Variants in XYLT1 observed in about 807,000 individuals in gnomAD.
XYLT1 encodes the protein beta-D-xylosyltransferase 1.
In XYLT1, 36 loss-of-function variants were observed where a neutral mutation model predicts 91.3. That is an observed-to-expected ratio of 0.39 (90% CI 0.30 to 0.52). XYLT1 has a LOEUF of 0.52. Among genes scored for constraint, XYLT1 ranks in the 20% least tolerant of loss-of-function variants. XYLT1 has a pLI of 0.68. For synonymous variants in XYLT1, 588 were observed against 532.0 expected (o/e 1.11, Z -1.45); for missense variants, 1,242 against 1,284.5 (o/e 0.97, Z 0.51).
chr16:17,250,947 T>G (rs1308842060), intron 3 of XYLT1: 1 of 152,270 alleles, frequency 6.6e-6, no homozygotes, highest in Non-Finnish European at 1.5e-5. Flanking sequence ...GAGAAAGTAG[T>G]ATCTCTGGCT....
chr16:17,119,302 T>C (rs9933857), intron 10 of XYLT1, among the ~76,000 whole-genome samples: 43,693 of 151,942 alleles, frequency 0.29, 6,760 homozygotes, highest in East Asian at 0.61. Flanking sequence ...TCAAATTAAA[T>C]TAGGGGTCAT....
At chr16:17,191,825 G>A (rs569729457) in intron 5 of XYLT1, among the ~76,000 whole-genome samples, 1 of 152,368 alleles carries the variant, frequency 6.6e-6, no homozygotes, top group Non-Finnish European at 1.5e-5. Context: ...ACATGTCCAT[G>A]TGGTGGGCCC....
At chr16:17,437,439 G>A (rs1420716925) in intron 1 of XYLT1, among the ~76,000 whole-genome samples, 1 of 152,178 alleles carries the variant, frequency 6.6e-6, no homozygotes, top group Non-Finnish European at 1.5e-5. Context: ...TTGGGGACAA[G>A]CAATCTTTAT....
chr16:17,272,692 C>T (rs2033915380), intron 2 of XYLT1, among the ~76,000 whole-genome samples: 1 of 152,186 alleles, frequency 6.6e-6, no homozygotes, highest in Non-Finnish European at 1.5e-5. Context: ...TGTCTTGAGG[C>T]TAAGTAGCGG....
intron 5 of XYLT1, among the ~76,000 whole-genome samples, chr16:17,188,855 C>T (rs955804421): frequency 6.6e-6 from 1 of 152,174 alleles, no homozygotes; most frequent in African/African-American, 2.4e-5. Flanking sequence ...AACTGAAGCA[C>T]AGGGACTGCT....
At chr16:17,465,564 G>T (rs550094732) in intron 1 of XYLT1, among the ~76,000 whole-genome samples, 2 of 146,268 alleles carry the variant, frequency 1.4e-5, no homozygotes, top group East Asian at 2.1e-4. Flanking sequence ...TTTGGGGGGG[G>T]GGGGGGTGAG....
chr16:17,279,956 G>C (rs977533455), intron 2 of XYLT1, among the ~76,000 whole-genome samples: 1 of 152,134 alleles, frequency 6.6e-6, no homozygotes, highest in African/African-American at 2.4e-5. Context: ...TCCTCCTCTA[G>C]GTCTGTCCTC....
chr16:17,158,945 C>T, intron 5 of XYLT1, 36 bp from the exon 6 acceptor site: 3 of 1,581,144 alleles, frequency 1.9e-6, no homozygotes, highest in Non-Finnish European at 2.6e-6. Flanking sequence ...TCAGGCCAGA[C>T]ACCGTGGGTA....
At chr16:17,296,237 C>G (rs2034307854) in intron 2 of XYLT1, among the ~76,000 whole-genome samples, 1 of 146,974 alleles carries the variant, frequency 6.8e-6, no homozygotes, top group African/African-American at 2.6e-5. Context: ...CAAAACAAAA[C>G]AAACCTAAAC....
chr16:17,419,519 C>T (rs1347829712), intron 1 of XYLT1, among the ~76,000 whole-genome samples: 1 of 152,156 alleles, frequency 6.6e-6, no homozygotes, highest in Non-Finnish European at 1.5e-5. Flanking sequence ...GGGCCAGATT[C>T]GCCCATCCCT....
At position 17,141,287 on chromosome 16, in the gene XYLT1, C is replaced by T. The variant is rs4782030; in HGVS notation, c.1453G>A (p.Glu485Lys). The T allele has an allele frequency of 6.2e-7, 1 of 1,614,176 alleles. No homozygotes were observed. Among genetic ancestry groups the T allele is most frequent in the Admixed American group, 1.7e-5 (1 of 60,028 alleles). The change falls in exon 7 of 12, where the codon GAG (glutamate) becomes AAG (lysine). Residue 485 changes from glutamate to lysine, a missense_variant. Glu to Lys is a moderately conservative substitution (Grantham distance 56). Transcript: ENST00000261381. ...GAACCGCCATCCACGGCAATGCCCT[C>T]TGGGATCCGCCGATCTCCCAGGCGC... ...MWRLGDRRIP[E>K]GIAVDGGSDW...
At position 17,300,836 on chromosome 16, in the gene XYLT1, G is replaced by A. The variant is rs527680319; in HGVS notation, c.403-41338C>T. ...CAATCGATGAGCTAGATAGGTAAGC[G>A]ACAAAAGCAAGACACAAAATAACAC... On this transcript the variant is annotated intron_variant, in intron 2 of 11. Transcript: ENST00000261381. Among the ~76,000 whole-genome samples the A allele has an allele frequency of 4.9e-4, 74 of 152,120 alleles. 1 individual carries two copies. Among genetic ancestry groups the A allele is most frequent in the Middle Eastern group, 6.8e-3 (2 of 294 alleles).
chr16:17,405,378 C>T (rs1407390975), intron 1 of XYLT1, among the ~76,000 whole-genome samples: 1 of 152,222 alleles, frequency 6.6e-6, no homozygotes, highest in Non-Finnish European at 1.5e-5. Context: ...CTTTATAAAG[C>T]ATCCGTGCTC....
intron 1 of XYLT1, among the ~76,000 whole-genome samples, chr16:17,413,345 G>A (rs2036136999): frequency 6.6e-6 from 1 of 151,982 alleles, no homozygotes; most frequent in African/African-American, 2.4e-5. Flanking sequence ...GGAAGGGGGT[G>A]TTCTGTGTGT....
intron 2 of XYLT1, among the ~76,000 whole-genome samples, chr16:17,303,253 C>T (rs1280339514): frequency 6.6e-6 from 1 of 152,214 alleles, no homozygotes; most frequent in Non-Finnish European, 1.5e-5. Flanking sequence ...ATCTGGCCTG[C>T]AATCCTCTTT....
chr16:17,196,838 G>T (rs1164019681), intron 5 of XYLT1, among the ~76,000 whole-genome samples: 2 of 151,732 alleles, frequency 1.3e-5, no homozygotes, highest in Admixed American at 6.6e-5. Context: ...GGAGGCCAAG[G>T]CAGGCGGATC....
intron 3 of XYLT1, among the ~76,000 whole-genome samples, chr16:17,230,154 C>A (rs540516897): frequency 6.6e-6 from 1 of 152,152 alleles, no homozygotes; most frequent in African/African-American, 2.4e-5. Context: ...TTCTCCAGGA[C>A]GAGAGAATAA....
At position 17,142,230 on chromosome 16, in the gene XYLT1, G is replaced by T. The variant is rs77179490; in HGVS notation, c.1371-861C>A. ...TGTAGAGACAGGGTCTCACGATGTT[G>T]CTTAGGCTGGCGTAAAACTCCTGGC... On this transcript the variant is annotated intron_variant, in intron 6 of 11. Coordinates refer to ENST00000261381, the MANE Select transcript of XYLT1 (RefSeq NM_022166.4). Among the ~76,000 whole-genome samples, 917 of 152,262 alleles carry T rather than the reference G, an allele frequency of 6.0e-3. 34 individuals are homozygous for T. In the East Asian group the frequency reaches 0.07, roughly 12 times the overall value.
At chr16:17,464,220 G>T (rs1250478417) in intron 1 of XYLT1, among the ~76,000 whole-genome samples, 1 of 152,270 alleles carries the variant, frequency 6.6e-6, no homozygotes, top group South Asian at 2.1e-4. Flanking sequence ...CGGGCACAGT[G>T]GCTCACATCT....
Sources: gnomAD v4.1 joint callset for allele counts (sites outside exome capture counted in the v4.1 genomes callset) on GRCh38, gnomAD v4.1.1 for gene constraint, MANE v1.5 for transcripts, NCBI Gene and HGNC (gene_info 2026-07-23, HGNC 2026-07-21) for gene names.